The following STPG2 variants were observed in gnomAD, a reference collection of about 807,000 sequenced individuals.
STPG2 encodes the protein sperm-tail PG-rich repeat-containing protein 2.
In STPG2, 56 loss-of-function variants were observed where a neutral mutation model predicts 54.2. That is an observed-to-expected ratio of 1.03 (90% CI 0.83 to 1.29). The LOEUF (loss-of-function observed/expected upper bound fraction) is 1.29, where lower values mean the gene tolerates loss of function less well. Ranked by LOEUF, STPG2 falls within the 50% of genes most tolerant of loss-of-function variation. The probability of loss-of-function intolerance (pLI) is 0.00; values close to 1 mark genes in which losing one functional copy is unlikely to be tolerated. For missense variants in STPG2, 596 were observed against 544.9 expected, an observed-to-expected ratio of 1.09 and a Z score of -0.93; for synonymous variants, 200 against 181.8, an observed-to-expected ratio of 1.10 and a Z score of -0.81.
At chr4:97,763,602 C>T (rs1221616919) in intron 9 of STPG2, among the ~76,000 whole-genome samples, 1 of 152,058 alleles carries the variant, frequency 6.6e-6, no homozygotes, top group African/African-American at 2.4e-5. Context: ...ATTGTCCGGG[C>T]ATCATTAACA....
At chr4:97,702,751 C>T (rs1235698622) in intron 10 of STPG2, among the ~76,000 whole-genome samples, 1 of 152,112 alleles carries the variant, frequency 6.6e-6, no homozygotes, top group Non-Finnish European at 1.5e-5. Context: ...CATCAGGGTC[C>T]TCCCACACAT....
At chr4:98,081,083 T>A (rs947947968) in intron 5 of STPG2, among the ~76,000 whole-genome samples, 1 of 152,150 alleles carries the variant, frequency 6.6e-6, no homozygotes, top group Non-Finnish European at 1.5e-5. Context: ...CAAGGAAAAA[T>A]TAATGATTGC....
chr4:98,014,223 A>G (rs62318502), intron 5 of STPG2, among the ~76,000 whole-genome samples: 59,955 of 151,996 alleles, frequency 0.39, 12,059 homozygotes, highest in Middle Eastern at 0.46. Flanking sequence ...TAACTTCATT[A>G]TTTACCCATG....
chr4:97,833,378 C>T (rs559025609), intron 9 of STPG2, among the ~76,000 whole-genome samples: 19 of 152,182 alleles, frequency 1.2e-4, no homozygotes, highest in African/African-American at 4.3e-4. Flanking sequence ...AACACTTAAA[C>T]ATAAGACTTA....
At chr4:97,499,950 G>A (rs1034159042) in intron 4 of STPG2, among the ~76,000 whole-genome samples, 1 of 151,984 alleles carries the variant, frequency 6.6e-6, no homozygotes, top group Non-Finnish European at 1.5e-5. Context: ...TCATATCATT[G>A]TTGAGTATTT....
At chr4:98,043,885 T>C (rs1011846896) in intron 5 of STPG2, among the ~76,000 whole-genome samples, 7 of 152,168 alleles carry the variant, frequency 4.6e-5, no homozygotes, top group African/African-American at 1.7e-4. Context: ...CTAAGTCTAG[T>C]ACCCAGTGAT....
chr4:97,952,455 C>T lies in STPG2; in HGVS notation c.934-8448G>A, dbSNP rs1255689648. ...GCCTGCCAGCTGGATTCTTTTGTCCCATGGAGCGTCCCCTTAATGTGGCAT... is the reference window on the plus strand; with the variant it reads ...GCCTGCCAGCTGGATTCTTTTGTCCTATGGAGCGTCCCCTTAATGTGGCAT... On this transcript the variant is annotated intron_variant, in intron 7 of 10. Coordinates refer to ENST00000295268, the MANE Select transcript of STPG2 (RefSeq NM_174952.3). 2.0e-5 allele frequency among the ~76,000 whole-genome samples: 3 copies of T among 152,256 alleles called. No homozygotes were observed. The East Asian group carries it at 5.8e-4, about 30-fold the overall frequency.
chr4:97,791,949 C>A (rs1297338336), intron 9 of STPG2, among the ~76,000 whole-genome samples: 1 of 151,962 alleles, frequency 6.6e-6, no homozygotes, highest in Non-Finnish European at 1.5e-5. Context: ...TGCTCAATAC[C>A]AGCCTAAGCT....
intron 1 of STPG2, among the ~76,000 whole-genome samples, chr4:98,138,323 A>G (rs1740190394): frequency 6.6e-6 from 1 of 152,124 alleles, no homozygotes; most frequent in African/African-American, 2.4e-5. Flanking sequence ...CTAACTACAA[A>G]TTATAAATCA....
chr4:97,815,506 T>A (rs1727880741), intron 9 of STPG2, among the ~76,000 whole-genome samples: 1 of 152,200 alleles, frequency 6.6e-6, no homozygotes, highest in African/African-American at 2.4e-5. Context: ...TTAAGGATAC[T>A]CAACCTGTAT....
At chr4:97,506,010 A>C (rs1452253676) in intron 4 of STPG2, among the ~76,000 whole-genome samples, 1 of 147,466 alleles carries the variant, frequency 6.8e-6, no homozygotes, top group African/African-American at 2.5e-5. Context: ...GGACCAGAAA[A>C]TAGGAGACCA....
chr4:97,505,508 C>G (rs1730825002), intron 4 of STPG2, among the ~76,000 whole-genome samples: 1 of 151,714 alleles, frequency 6.6e-6, no homozygotes, highest in South Asian at 2.1e-4. Flanking sequence ...TATAGGATGA[C>G]AAAGGCAGAT....
chr4:97,635,985 G>C (rs1721505434), intron 10 of STPG2, among the ~76,000 whole-genome samples: 1 of 152,182 alleles, frequency 6.6e-6, no homozygotes, highest in South Asian at 2.1e-4. Flanking sequence ...TCTGCACCAA[G>C]TGGACCTAAT....
intron 10 of STPG2, among the ~76,000 whole-genome samples, chr4:97,696,761 G>A (rs1723590108): frequency 6.6e-6 from 1 of 152,086 alleles, no homozygotes. Context: ...AATACAAATA[G>A]CCAACAGACA....
downstream of STPG2, among the ~76,000 whole-genome samples, chr4:97,558,388 G>C (rs1247978999): frequency 6.6e-6 from 1 of 152,138 alleles, no homozygotes; most frequent in Non-Finnish European, 1.5e-5. Flanking sequence ...AGTGTGGGCT[G>C]GACCTGGTGA....
chr4:97,910,836 A>G (rs1437813742), intron 8 of STPG2, among the ~76,000 whole-genome samples: 1 of 152,232 alleles, frequency 6.6e-6, no homozygotes, highest in East Asian at 1.9e-4. Context: ...ATTCTTGGAA[A>G]AAAATAAAAA....
chr4:98,092,749 C>A (rs2110127928), intron 5 of STPG2, among the ~76,000 whole-genome samples: 1 of 152,056 alleles, frequency 6.6e-6, no homozygotes, highest in Admixed American at 6.5e-5. Flanking sequence ...TAAATAACAT[C>A]TTTTAATATA....
intron 7 of STPG2, among the ~76,000 whole-genome samples, chr4:97,967,856 A>T (rs1010988995): frequency 2.0e-5 from 3 of 152,206 alleles, no homozygotes; most frequent in Non-Finnish European, 4.4e-5. Context: ...ACACATTTAA[A>T]GCAGGGTGTA....
chr4:97,802,067 T>C (rs1164225231), intron 9 of STPG2, among the ~76,000 whole-genome samples: 1 of 152,142 alleles, frequency 6.6e-6, no homozygotes, highest in Non-Finnish European at 1.5e-5. Context: ...GTCTAAGAAT[T>C]TGAATCTCTA....
Sources: gnomAD v4.1 joint callset for allele counts (sites outside exome capture counted in the v4.1 genomes callset) on GRCh38, gnomAD v4.1.1 for gene constraint, MANE v1.5 for transcripts, NCBI Gene and HGNC (gene_info 2026-07-23, HGNC 2026-07-21) for gene names.